CTNNA2: variants seen among roughly 807,000 people sequenced by gnomAD.
The protein encoded by CTNNA2 is catenin alpha-2.
A neutral mutation model predicts 101.0 loss-of-function variants in CTNNA2; 42 were observed. The observed-to-expected ratio is 0.42, with a 90% CI of 0.32 to 0.54. The LOEUF is 0.54. Ranked by LOEUF, CTNNA2 falls within the 20% of genes least tolerant of loss-of-function variation. The pLI is 0.14. For synonymous variants in CTNNA2, 450 were observed against 456.4 expected, an observed-to-expected ratio of 0.99 and a Z score of 0.18; for missense variants, 871 against 1,223.1, an observed-to-expected ratio of 0.71 and a Z score of 4.29.
At chr2:80,239,466 T>G (rs942255933) in intron 7 of CTNNA2, among the ~76,000 whole-genome samples, 2 of 152,332 alleles carry the variant, frequency 1.3e-5, no homozygotes, top group Non-Finnish European at 1.5e-5. Context: ...CCCCCTCTTA[T>G]CCACGGGGAA....
chr2:80,277,878 A>G (rs1358650411), intron 7 of CTNNA2, among the ~76,000 whole-genome samples: 1 of 152,078 alleles, frequency 6.6e-6, no homozygotes, highest in East Asian at 1.9e-4. Flanking sequence ...CAGTTACTAG[A>G]AGAGTGAGAG....
intron 3 of CTNNA2, among the ~76,000 whole-genome samples, chr2:79,313,963 A>G (rs975772616): frequency 2.0e-5 from 3 of 152,240 alleles, no homozygotes; most frequent in South Asian, 2.1e-4. Flanking sequence ...CCTCTCTCAC[A>G]TGGGGACTGA....
intron 18 of CTNNA2, among the ~76,000 whole-genome samples, chr2:80,636,129 G>C (rs1327410659): frequency 6.6e-6 from 1 of 152,000 alleles, no homozygotes; most frequent in Non-Finnish European, 1.5e-5. Flanking sequence ...TAGTAAATGT[G>C]TGCAGAGCAG....
intron 7 of CTNNA2, among the ~76,000 whole-genome samples, chr2:80,022,899 G>A (rs888894454): frequency 1.3e-5 from 2 of 152,166 alleles, no homozygotes; most frequent in African/African-American, 4.8e-5. Flanking sequence ...CCATCATTCA[G>A]ATCTGGGGTC....
intron 12 of CTNNA2, among the ~76,000 whole-genome samples, chr2:80,559,740 C>A (rs969165137): frequency 2.6e-5 from 4 of 151,972 alleles, no homozygotes; most frequent in Non-Finnish European, 5.9e-5. Flanking sequence ...TTCAATAAAA[C>A]CTGAATTATA....
rs554808464 is a variant in CTNNA2 at position 80,291,154 on chromosome 2, C to T, written c.1057-102057C>T. On this transcript the variant is annotated intron_variant, in intron 7 of 18. Transcript: ENST00000402739. ...TTCCCTCTGACCAAAGATAGTTTTTCCTCGTGGGATTTAGTAGATCTCTAA... is the reference window on the plus strand; with the variant it reads ...TTCCCTCTGACCAAAGATAGTTTTTTCTCGTGGGATTTAGTAGATCTCTAA... Among the ~76,000 whole-genome samples the T allele has an allele frequency of 3.3e-5, 5 of 152,336 alleles. No individual in the cohort carries two copies. In the East Asian group the frequency reaches 9.6e-4, roughly 29 times the overall value.
intron 7 of CTNNA2, among the ~76,000 whole-genome samples, chr2:80,209,835 G>T (rs903455776): frequency 2.6e-5 from 4 of 152,128 alleles, no homozygotes; most frequent in African/African-American, 9.7e-5. Flanking sequence ...AAACCCGAAT[G>T]CTAGCATAGA....
chr2:79,361,324 G>A (rs1315369827), intron 3 of CTNNA2, among the ~76,000 whole-genome samples: 1 of 152,086 alleles, frequency 6.6e-6, no homozygotes, highest in East Asian at 1.9e-4. Context: ...ATCTAATTGG[G>A]TGGATAAGTT....
chr2:80,525,260 C>G (rs35360588), intron 9 of CTNNA2, among the ~76,000 whole-genome samples: 36,113 of 151,388 alleles, frequency 0.24, 4,436 homozygotes, highest in Middle Eastern at 0.34. Context: ...AGTCTCAGGA[C>G]CCCTCTCCTG....
At chr2:80,611,886 G>A (rs576271250) in intron 17 of CTNNA2, among the ~76,000 whole-genome samples, 288 of 151,558 alleles carry the variant, frequency 1.9e-3, no homozygotes, top group Middle Eastern at 3.4e-3. Flanking sequence ...CTTTGATGAG[G>A]AATTCAATGT....
intron 7 of CTNNA2, among the ~76,000 whole-genome samples, chr2:80,382,464 A>G (rs1311483318): frequency 1.3e-5 from 2 of 152,220 alleles, no homozygotes; most frequent in Non-Finnish European, 2.9e-5. Context: ...TCAATTAACA[A>G]TGCAAGAGGT....
chr2:79,703,356 T>C (rs1416290187), intron 2 of CTNNA2, among the ~76,000 whole-genome samples: 1 of 152,194 alleles, frequency 6.6e-6, no homozygotes, highest in Non-Finnish European at 1.5e-5. Flanking sequence ...ATAAGGTGAT[T>C]GTAATAAGTT....
chr2:79,278,677 T>A (rs1009936292), intron 2 of CTNNA2, among the ~76,000 whole-genome samples: 14 of 152,136 alleles, frequency 9.2e-5, no homozygotes, highest in Non-Finnish European at 1.9e-4. Context: ...CCCACCTCCA[T>A]CTAATGGAGA....
intron 2 of CTNNA2, among the ~76,000 whole-genome samples, chr2:79,200,265 C>G (rs1003740468): frequency 6.6e-6 from 1 of 151,826 alleles, no homozygotes; most frequent in African/African-American, 2.4e-5. Flanking sequence ...GCACCTGTAG[C>G]GTCAGCTACT....
At chr2:80,614,747 C>G (rs1198618496) in intron 17 of CTNNA2, among the ~76,000 whole-genome samples, 1 of 151,286 alleles carries the variant, frequency 6.6e-6, no homozygotes, top group Non-Finnish European at 1.5e-5. Context: ...AAAAGCTACC[C>G]TCTCCCCAGT....
At chr2:79,997,620 C>T (rs1375617602) in intron 7 of CTNNA2, among the ~76,000 whole-genome samples, 4 of 152,058 alleles carry the variant, frequency 2.6e-5, no homozygotes, top group African/African-American at 9.7e-5. Flanking sequence ...TCTCAATTTC[C>T]CTCTCTGCGT....
chr2:80,624,759 T>C (rs1401465776), intron 18 of CTNNA2, among the ~76,000 whole-genome samples: 1 of 152,000 alleles, frequency 6.6e-6, no homozygotes, highest in Non-Finnish European at 1.5e-5. Context: ...TGGGTATAGA[T>C]ACTGTCACTT....
Position 79,936,474 on chromosome 2 carries a change from G to A in CTNNA2, c.1056+26677G>A, listed in dbSNP as rs183514619. 9.4e-4 allele frequency among the ~76,000 whole-genome samples: 142 copies of A among 151,794 alleles called. 1 individual carries two copies. The highest frequency in any genetic ancestry group is 3.3e-3 in the African/African-American group (138 of 41,412). ...CCCCCTTTTCCTCCTCTTGGCTCTTGCCTGCAACCGGCATCCTCTGGCCCT... is the reference window on the plus strand; with the variant it reads ...CCCCCTTTTCCTCCTCTTGGCTCTTACCTGCAACCGGCATCCTCTGGCCCT... On this transcript the variant is annotated intron_variant, in intron 7 of 18. Transcript: ENST00000402739.
At chr2:79,337,168 C>T (rs2104424095) in intron 3 of CTNNA2, among the ~76,000 whole-genome samples, 1 of 152,258 alleles carries the variant, frequency 6.6e-6, no homozygotes, top group African/African-American at 2.4e-5. Flanking sequence ...AAGGAGATTT[C>T]TCTGCAGCAA....
Sources: allele counts gnomAD v4.1 joint callset (sites outside exome capture counted in the v4.1 genomes callset), GRCh38; gene constraint gnomAD v4.1.1; transcripts MANE v1.5; gene names NCBI Gene and HGNC (gene_info 2026-07-23, HGNC 2026-07-21).